Variants in NPTX2 observed in about 807,000 individuals in gnomAD.
The protein encoded by NPTX2 is neuronal pentraxin-2.
A neutral mutation model predicts 38.1 loss-of-function variants in NPTX2; 23 were observed. That is an observed-to-expected ratio of 0.60 (90% confidence interval 0.43 to 0.85). The LOEUF (loss-of-function observed/expected upper bound fraction) is 0.85, where lower values mean the gene tolerates loss of function less well. NPTX2 is among the 40% of genes least tolerant of loss of function. NPTX2 has a pLI of 0.00. For synonymous variants in NPTX2, 291 were observed against 287.3 expected (o/e 1.01, Z -0.13); for missense variants, 553 against 615.3 (o/e 0.90, Z 1.07).
intron 3 of NPTX2, among the ~76,000 whole-genome samples, chr7:98,626,738 G>A (rs898743585): frequency 3.3e-5 from 5 of 151,900 alleles, no homozygotes; most frequent in South Asian, 2.1e-4. Context: ...CACACGTGCC[G>A]CTGCGCAGGG....
intron 2 of NPTX2, among the ~76,000 whole-genome samples, chr7:98,620,395 G>A (rs1791253012): frequency 1.3e-5 from 2 of 152,164 alleles, no homozygotes; most frequent in African/African-American, 4.8e-5. Flanking sequence ...CCCAATAGCA[G>A]AACATCCAAT....
At chr7:98,626,398 GT>G (rs1240116133) in intron 3 of NPTX2, among the ~76,000 whole-genome samples, 3 of 151,962 alleles carry the variant, frequency 2.0e-5, no homozygotes, top group Admixed American at 6.6e-5. Flanking sequence ...GTCTGTCGAG[GT>G]TTAAAAAACG....
chr7:98,619,125 C>T (rs554144606), intron 1 of NPTX2, among the ~76,000 whole-genome samples: 54 of 152,278 alleles, frequency 3.5e-4, no homozygotes, highest in African/African-American at 1.3e-3. Flanking sequence ...TTAGAAACAG[C>T]ATTAAAAACA....
chr7:98,622,852 T>C (rs11974926), intron 2 of NPTX2, among the ~76,000 whole-genome samples: 7,067 of 152,234 alleles, frequency 0.046, 317 homozygotes, highest in African/African-American at 0.099. Context: ...TATGAGTACA[T>C]GCAACACGTG....
intron 2 of NPTX2, among the ~76,000 whole-genome samples, chr7:98,623,223 C>T (rs183608699): frequency 2.3e-3 from 351 of 152,258 alleles, no homozygotes; most frequent in Non-Finnish European, 3.4e-3. Context: ...ATTCCTTCAA[C>T]GGCAGGGTCT....
intron 3 of NPTX2, among the ~76,000 whole-genome samples, 170 bp downstream of exon 3, chr7:98,625,336 G>A (rs981944665): frequency 2.6e-5 from 4 of 152,324 alleles, no homozygotes; most frequent in Admixed American, 2.6e-4. Flanking sequence ...CACGCCGGGC[G>A]GCTCACAGGG....
intron 2 of NPTX2, among the ~76,000 whole-genome samples, chr7:98,622,184 T>C (rs563678999): frequency 6.6e-6 from 1 of 152,284 alleles, no homozygotes; most frequent in South Asian, 2.1e-4. Context: ...GCTGAGCCTC[T>C]CCGCCACCTG....
chr7:98,625,276 C>A (rs1435827087), intron 3 of NPTX2, 110 bp downstream of exon 3: 3 of 1,392,394 alleles, frequency 2.2e-6, no homozygotes, highest in Non-Finnish European at 2.9e-6. Flanking sequence ...AGCAGTGTCC[C>A]AGACATGGGA....
chr7:98,621,059 T>TGGGCGTTTGGGCCCCC (rs1278680236), intron 2 of NPTX2, among the ~76,000 whole-genome samples: 1 of 152,142 alleles, frequency 6.6e-6, no homozygotes, highest in Non-Finnish European at 1.5e-5. Context: ...AAGTGGGTCC[T>TGGGCGTTTGGGCCCCC]GGGCCACTAG....
Position 98,627,208 on chromosome 7 carries a change from A to G in NPTX2, c.932A>G (p.His311Arg). 1 of 1,613,638 alleles carries G rather than the reference A, an allele frequency of 6.2e-7. No homozygotes were observed. The highest frequency in any genetic ancestry group is 8.5e-7 in the Non-Finnish European group (1 of 1,179,596). The change falls in exon 4 of 5, where the codon CAC (histidine) becomes CGC (arginine). Residue 311 changes from histidine to arginine, a missense_variant. Coordinates refer to ENST00000265634, the MANE Select transcript of NPTX2 (RefSeq NM_002523.3). The part of the protein sequence containing the change: ...PLFVSDGKWH[H>R]ICVTWTTRDG... The stretch of plus-strand genomic sequence containing the variant: ...TTTGTCAGTGACGGCAAGTGGCACC[A>G]CATCTGTGTCACCTGGACGACACGG...
chr7:98,617,748 G>T lies in NPTX2; in HGVS notation c.287G>T (p.Gly96Val). 7.0e-7 allele frequency: 1 copy of T among 1,428,318 alleles called. No individual in the cohort carries two copies. The highest frequency in any genetic ancestry group is 9.1e-7 in the Non-Finnish European group (1 of 1,104,090). The allele number at this position is 1,428,318 out of a possible 1,614,324, so 88.5% of individuals were successfully genotyped here. ...ELTGKLARCE[G>V]LAGGKARGAG... Reference sequence around the variant, plus strand: ...ACGGGCAAGCTAGCGCGCTGCGAGGGGCTGGCGGGCGGCAAGGCGCGCGGC... The same window carrying T: ...ACGGGCAAGCTAGCGCGCTGCGAGGTGCTGGCGGGCGGCAAGGCGCGCGGC... The change falls in exon 1 of 5, where the codon GGG becomes GTG. Residue 96 changes from glycine to valine, a missense_variant. Coordinates refer to ENST00000265634, the MANE Select transcript of NPTX2 (RefSeq NM_002523.3).
intron 2 of NPTX2, among the ~76,000 whole-genome samples, chr7:98,622,978 C>T (rs1374782366): frequency 6.6e-6 from 1 of 152,152 alleles, no homozygotes; most frequent in Non-Finnish European, 1.5e-5. Context: ...AACTGCGGCC[C>T]CCAAGAGCCT....
chr7:98,626,146 C>CAAAAAAA (rs561364197), intron 3 of NPTX2, among the ~76,000 whole-genome samples: 1 of 71,426 alleles, frequency 1.4e-5, no homozygotes, highest in Non-Finnish European at 3.3e-5. Flanking sequence ...TACCCTGTCT[C>CAAAAAAA]AAAAAAAAAA....
At chr7:98,618,394 GGCGGA>G in intron 1 of NPTX2, among the ~76,000 whole-genome samples, 1 of 152,288 alleles carries the variant, frequency 6.6e-6, no homozygotes. Context: ...GAAGTCTGGG[GGCGGA>G]GGTCGCAGGG....
At chr7:98,624,869 G>T in intron 2 of NPTX2, 53 bp from the exon 3 acceptor site, 1 of 1,573,820 alleles carries the variant, frequency 6.4e-7, no homozygotes, top group South Asian at 1.2e-5. Context: ...CCGTGCTGGT[G>T]GGTGGTGGGG....
At chr7:98,624,838 C>G in intron 2 of NPTX2, 84 bp from the exon 3 acceptor site, 1 of 1,521,546 alleles carries the variant, frequency 6.6e-7, no homozygotes, top group Non-Finnish European at 8.9e-7. Context: ...TCTTGTGGGT[C>G]TAGCAAGATG....
chr7:98,628,328 C>A, intron 4 of NPTX2, 74 bp from the exon 5 acceptor site: 1 of 698,282 alleles, frequency 1.4e-6, no homozygotes, highest in Non-Finnish European at 2.5e-6. Flanking sequence ...ATGCCCAAAT[C>A]TCCTGTCTGC....
Position 98,617,807 on chromosome 7 carries a change from C to G in NPTX2, c.346C>G (p.Leu116Val). The change falls in exon 1 of 5, where the codon CTG becomes GTG. Residue 116 changes from leucine (L) to valine (V), a missense_variant. Coordinates refer to ENST00000265634, the MANE Select transcript of NPTX2 (RefSeq NM_002523.3). Reference protein sequence around the residue: ...GATGKDTMGDLPRDPGHVVEQ... With the variant: ...GATGKDTMGDVPRDPGHVVEQ... ...CACGGGCAAGGACACTATGGGCGAC[C>G]TGCCGCGGGACCCCGGCCACGTCGT... is the stretch of plus-strand genomic sequence containing the variant. 1 of 1,534,394 alleles carries G rather than the reference C, an allele frequency of 6.5e-7. No homozygotes were observed. Among genetic ancestry groups the G allele is most frequent in the African/African-American group, 1.4e-5 (1 of 72,050 alleles).
At chr7:98,618,559 T>C in intron 1 of NPTX2, among the ~76,000 whole-genome samples, 3 of 94,942 alleles carry the variant, frequency 3.2e-5, no homozygotes, top group African/African-American at 5.7e-5. Context: ...TTCCCTTCTC[T>C]CTCTCTCTCT....
Sources: allele counts gnomAD v4.1 joint callset (sites outside exome capture counted in the v4.1 genomes callset), GRCh38; gene constraint gnomAD v4.1.1; transcripts MANE v1.5; gene names NCBI Gene and HGNC (gene_info 2026-07-23, HGNC 2026-07-21).